Variants in CFAP299 observed in about 807,000 individuals in gnomAD.
CFAP299 encodes the protein cilia- and flagella-associated protein 299.
Under a neutral mutation model 27.0 loss-of-function variants are expected in CFAP299, and 21 were observed. That is an observed-to-expected ratio of 0.78 (90% CI 0.55 to 1.12). The LOEUF is 1.12. Ranked by LOEUF, CFAP299 falls within the 50% of genes most tolerant of loss-of-function variation. The probability of loss-of-function intolerance (pLI) is 0.00; values close to 1 mark genes in which losing one functional copy is unlikely to be tolerated. For synonymous variants in CFAP299, 104 were observed against 98.1 expected, an observed-to-expected ratio of 1.06 and a Z score of -0.36; for missense variants, 310 against 276.6, an observed-to-expected ratio of 1.12 and a Z score of -0.86.
chr4:80,849,945 A>G (rs756897231), intron 3 of CFAP299, among the ~76,000 whole-genome samples: 1 of 152,204 alleles, frequency 6.6e-6, no homozygotes, highest in Admixed American at 6.5e-5. Context: ...TCATTACACA[A>G]TGTATACATA....
intron 3 of CFAP299, among the ~76,000 whole-genome samples, chr4:80,603,779 T>C (rs796636809): frequency 3.3e-5 from 5 of 152,282 alleles, no homozygotes; most frequent in African/African-American, 1.2e-4. Flanking sequence ...AGGTTGAAAA[T>C]ACATAATGGC....
chr4:80,764,896 C>T (rs1258927691), intron 3 of CFAP299, among the ~76,000 whole-genome samples: 2 of 152,000 alleles, frequency 1.3e-5, no homozygotes, highest in Non-Finnish European at 2.9e-5. Flanking sequence ...GACGAGAACA[C>T]ATGGACAAAG....
At chr4:80,464,565 C>G (rs1246569970) in intron 2 of CFAP299, among the ~76,000 whole-genome samples, 1 of 152,140 alleles carries the variant, frequency 6.6e-6, no homozygotes, top group African/African-American at 2.4e-5. Context: ...TAGCAAACTT[C>G]TCATTTTTGT....
At chr4:80,924,488 A>G (rs1736200587) in intron 4 of CFAP299, among the ~76,000 whole-genome samples, 1 of 150,266 alleles carries the variant, frequency 6.7e-6, no homozygotes, top group East Asian at 2.0e-4. Context: ...CCATTGCTAT[A>G]ATACATAATC....
chr4:80,742,919 G>A (rs1724360930), intron 3 of CFAP299, among the ~76,000 whole-genome samples: 1 of 152,134 alleles, frequency 6.6e-6, no homozygotes. Flanking sequence ...TACAGTAAAT[G>A]CAACTCACTT....
chr4:80,956,648 A>G (rs1165119559), intron 5 of CFAP299, among the ~76,000 whole-genome samples: 1 of 150,872 alleles, frequency 6.6e-6, no homozygotes, highest in African/African-American at 2.4e-5. Context: ...TAGTGACAGT[A>G]TGTTGCCTGG....
At chr4:80,496,055 T>C (rs1173506545) in intron 2 of CFAP299, among the ~76,000 whole-genome samples, 2 of 152,218 alleles carry the variant, frequency 1.3e-5, no homozygotes, top group Non-Finnish European at 2.9e-5. Context: ...CAAGGCCTTT[T>C]TCCCATTGTC....
At chr4:80,680,028 C>T (rs115415080) in intron 3 of CFAP299, among the ~76,000 whole-genome samples, 3,182 of 152,080 alleles carry the variant, frequency 0.021, 78 homozygotes, top group South Asian at 0.061. Flanking sequence ...TTCTTTTTGA[C>T]TTCCAGAGAT....
intron 2 of CFAP299, among the ~76,000 whole-genome samples, chr4:80,539,367 G>A (rs954120202): frequency 2.0e-5 from 3 of 152,210 alleles, no homozygotes; most frequent in African/African-American, 4.8e-5. Flanking sequence ...GAAGCACCAG[G>A]TTCGTCAGGA....
At chr4:80,785,832 G>C (rs1489951553) in intron 3 of CFAP299, among the ~76,000 whole-genome samples, 1 of 151,990 alleles carries the variant, frequency 6.6e-6, no homozygotes, top group Non-Finnish European at 1.5e-5. Context: ...TTTTTTAATT[G>C]AAAGAGTCTA....
chr4:80,482,816 G>A (rs891823930), intron 2 of CFAP299, among the ~76,000 whole-genome samples: 22 of 152,244 alleles, frequency 1.4e-4, no homozygotes, highest in African/African-American at 4.8e-4. Context: ...CTTGCTGAAC[G>A]CTAGGTCTCA....
chr4:80,863,060 C>T lies in CFAP299; in HGVS notation c.334-6933C>T, dbSNP rs147518630. On this transcript the variant is annotated intron_variant, in intron 3 of 5. Transcript: ENST00000358105. ...AGAGATTTAAAATTCTAGCACATAA[C>T]GATTCCTTCATTTGTCTCTATCAGA... is the stretch of plus-strand genomic sequence containing the variant. Among the ~76,000 whole-genome samples, 622 of 152,168 alleles carry T rather than the reference C, an allele frequency of 4.1e-3. 3 individuals carry two copies. Among genetic ancestry groups the T allele is most frequent in the Non-Finnish European group, 6.3e-3 (430 of 67,988 alleles).
intron 3 of CFAP299, among the ~76,000 whole-genome samples, chr4:80,636,921 A>G (rs1739486154): frequency 6.6e-6 from 1 of 152,228 alleles, no homozygotes; most frequent in Non-Finnish European, 1.5e-5. Context: ...TATATATTAG[A>G]AAATAAAAAA....
At chr4:80,578,865 AT>A (rs1368067585) in intron 2 of CFAP299, among the ~76,000 whole-genome samples, 1 of 152,122 alleles carries the variant, frequency 6.6e-6, no homozygotes, top group Non-Finnish European at 1.5e-5. Context: ...TAGAAAATTC[AT>A]TTTAGTTATG....
chr4:80,721,864 C>A (rs1722837383), intron 3 of CFAP299, among the ~76,000 whole-genome samples: 1 of 152,046 alleles, frequency 6.6e-6, no homozygotes, highest in African/African-American at 2.4e-5. Context: ...ATAAAATTGT[C>A]TTTCAAGAAA....
chr4:80,613,984 C>G (rs1738141158), intron 3 of CFAP299, among the ~76,000 whole-genome samples: 1 of 152,116 alleles, frequency 6.6e-6, no homozygotes, highest in African/African-American at 2.4e-5. Flanking sequence ...TTCATTTTCT[C>G]CAGTTTATTT....
chr4:80,386,507 G>T, intron 2 of CFAP299: 1 of 1,419,966 alleles, frequency 7.0e-7, no homozygotes, highest in Admixed American at 2.4e-5. Flanking sequence ...TCTCGCGGGC[G>T]GTGGTGGGGG....
intron 4 of CFAP299, among the ~76,000 whole-genome samples, chr4:80,944,553 A>T (rs1213421188): frequency 3.9e-5 from 6 of 152,196 alleles, no homozygotes; most frequent in African/African-American, 1.2e-4. Flanking sequence ...ATGTAATAGT[A>T]CTGTAATAGG....
At chr4:80,566,492 C>G (rs1466259097) in intron 2 of CFAP299, among the ~76,000 whole-genome samples, 1 of 151,984 alleles carries the variant, frequency 6.6e-6, no homozygotes. Context: ...CCCCATTTTA[C>G]CACAGTTTCC....
Sources: allele counts gnomAD v4.1 joint callset (sites outside exome capture counted in the v4.1 genomes callset), GRCh38; gene constraint gnomAD v4.1.1; transcripts MANE v1.5; gene names NCBI Gene and HGNC (gene_info 2026-07-23, HGNC 2026-07-21).